NPAS3: variants seen among roughly 807,000 people sequenced by gnomAD.
NPAS3 encodes the protein neuronal PAS domain-containing protein 3.
A neutral mutation model predicts 73.1 loss-of-function variants in NPAS3; 14 were observed. That is an observed-to-expected ratio of 0.19 (90% CI 0.13 to 0.30). NPAS3 has a LOEUF of 0.30. NPAS3 is among the 10% of genes least tolerant of loss of function. The probability of loss-of-function intolerance (pLI) is 1.00; values close to 1 mark genes in which losing one functional copy is unlikely to be tolerated. For synonymous variants in NPAS3, 620 were observed against 541.5 expected, an observed-to-expected ratio of 1.14 and a Z score of -2.01; for missense variants, 1,096 against 1,250.0, an observed-to-expected ratio of 0.88 and a Z score of 1.86.
At chr14:33,171,550 C>T (rs1415682132) in intron 2 of NPAS3, among the ~76,000 whole-genome samples, 2 of 152,254 alleles carry the variant, frequency 1.3e-5, no homozygotes, top group Non-Finnish European at 2.9e-5. Context: ...AGCTTCCTCA[C>T]CTCTGTCAGC....
At chr14:33,538,978 G>C (rs2054381095) in intron 4 of NPAS3, among the ~76,000 whole-genome samples, 2 of 152,100 alleles carry the variant, frequency 1.3e-5, no homozygotes, top group Admixed American at 1.3e-4. Context: ...TTGCTTTTGA[G>C]TTGTTTACTG....
At chr14:32,991,432 C>T (rs1462872809) in intron 1 of NPAS3, among the ~76,000 whole-genome samples, 1 of 152,082 alleles carries the variant, frequency 6.6e-6, no homozygotes, top group African/African-American at 2.4e-5. Flanking sequence ...CATAGTTTGC[C>T]CAATAACACT....
At chr14:33,489,953 T>C (rs946141005) in intron 4 of NPAS3, among the ~76,000 whole-genome samples, 18 of 152,200 alleles carry the variant, frequency 1.2e-4, no homozygotes, top group African/African-American at 4.3e-4. Flanking sequence ...AAGGATATCA[T>C]AGCAAAAGGT....
chr14:33,362,418 A>G (rs1201824238), intron 3 of NPAS3, among the ~76,000 whole-genome samples: 1 of 152,092 alleles, frequency 6.6e-6, no homozygotes, highest in East Asian at 1.9e-4. Flanking sequence ...ACCCTCCCTG[A>G]CTTCTTTGGC....
chr14:33,257,697 T>C (rs149670060), intron 3 of NPAS3, among the ~76,000 whole-genome samples: 2,811 of 152,296 alleles, frequency 0.018, 45 homozygotes, highest in Middle Eastern at 0.041. Flanking sequence ...TGTGACTCTT[T>C]TCCACAATTC....
intron 4 of NPAS3, among the ~76,000 whole-genome samples, chr14:33,386,238 T>C (rs1238931121): frequency 2.0e-5 from 3 of 152,102 alleles, no homozygotes; most frequent in African/African-American, 7.2e-5. Flanking sequence ...CCCTTTTACA[T>C]GAAAAAAGGG....
chr14:33,117,930 C>A (rs1275458836), intron 2 of NPAS3, among the ~76,000 whole-genome samples: 1 of 152,020 alleles, frequency 6.6e-6, no homozygotes, highest in African/African-American at 2.4e-5. Flanking sequence ...TTAATTTATT[C>A]TCTCACTACA....
At chr14:33,537,519 T>C (rs942815223) in intron 4 of NPAS3, among the ~76,000 whole-genome samples, 4 of 152,194 alleles carry the variant, frequency 2.6e-5, no homozygotes, top group African/African-American at 9.6e-5. Context: ...GAATTGTAGT[T>C]TCTTTATATT....
At chr14:33,722,538 G>C (rs2061144226) in intron 6 of NPAS3, among the ~76,000 whole-genome samples, 1 of 152,110 alleles carries the variant, frequency 6.6e-6, no homozygotes, top group African/African-American at 2.4e-5. Flanking sequence ...AGCTGACCAA[G>C]GTTATAATGA....
rs191113270 is a variant in NPAS3 at position 33,037,093 on chromosome 14, T to C, written c.51-18812T>C. Among the ~76,000 whole-genome samples the C allele has an allele frequency of 1.7e-3, 253 of 152,300 alleles. 1 individual carries two copies. The highest frequency in any genetic ancestry group is 5.7e-3 in the African/African-American group (237 of 41,560). On this transcript the variant is annotated intron_variant, in intron 1 of 11. Transcript: ENST00000356141. ...CACTCTTGATTGAAAGCTCATACTGTCGCTTGTGTAGAGTAGGGGAAATAT... is the reference window on the plus strand; with the variant it reads ...CACTCTTGATTGAAAGCTCATACTGCCGCTTGTGTAGAGTAGGGGAAATAT...
At chr14:33,071,454 T>G (rs1008929870) in intron 2 of NPAS3, among the ~76,000 whole-genome samples, 30 of 152,212 alleles carry the variant, frequency 2.0e-4, no homozygotes, top group African/African-American at 5.8e-4. Flanking sequence ...ATTGAGACTT[T>G]TAATCATACC....
At chr14:33,729,111 A>G (rs1458595333) in intron 6 of NPAS3, among the ~76,000 whole-genome samples, 1 of 152,206 alleles carries the variant, frequency 6.6e-6, no homozygotes, top group Non-Finnish European at 1.5e-5. Flanking sequence ...CTTTCTTTCA[A>G]TATCTTTCTT....
intron 4 of NPAS3, among the ~76,000 whole-genome samples, chr14:33,372,614 A>G (rs994858176): frequency 2.0e-5 from 3 of 152,184 alleles, no homozygotes; most frequent in African/African-American, 7.2e-5. Context: ...CAGTAAACCT[A>G]TAACTATTTC....
At chr14:32,950,408 G>A (rs1200493357) in intron 1 of NPAS3, among the ~76,000 whole-genome samples, 1 of 151,990 alleles carries the variant, frequency 6.6e-6, no homozygotes, top group South Asian at 2.1e-4. Context: ...CATTATAAAG[G>A]CATATTTTTC....
chr14:33,625,537 A>G (rs1275506563), intron 5 of NPAS3, among the ~76,000 whole-genome samples: 2 of 152,214 alleles, frequency 1.3e-5, no homozygotes, highest in Non-Finnish European at 2.9e-5. Flanking sequence ...GAACAACTAT[A>G]TGCAGTAGAG....
At chr14:33,524,197 T>C (rs1244603996) in intron 4 of NPAS3, among the ~76,000 whole-genome samples, 1 of 152,172 alleles carries the variant, frequency 6.6e-6, no homozygotes, top group Non-Finnish European at 1.5e-5. Flanking sequence ...AAGTCCTCCT[T>C]ACCCTCTACA....
chr14:33,656,024 G>A (rs1470082679), intron 5 of NPAS3, among the ~76,000 whole-genome samples: 5 of 152,236 alleles, frequency 3.3e-5, no homozygotes, highest in Admixed American at 1.3e-4. Flanking sequence ...GTGCCCCACC[G>A]CATTACCAGA....
chr14:32,990,161 C>A (rs2139465318), intron 1 of NPAS3, among the ~76,000 whole-genome samples: 1 of 152,278 alleles, frequency 6.6e-6, no homozygotes, highest in South Asian at 2.1e-4. Flanking sequence ...AGACCAATGT[C>A]TTCCATGAAA....
chr14:33,364,422 C>T (rs1342170293), intron 3 of NPAS3, among the ~76,000 whole-genome samples: 4 of 152,132 alleles, frequency 2.6e-5, no homozygotes, highest in African/African-American at 9.7e-5. Flanking sequence ...TGGGCTCCTA[C>T]CAGGGACATA....
Sources: gnomAD v4.1 joint callset for allele counts (sites outside exome capture counted in the v4.1 genomes callset) on GRCh38, gnomAD v4.1.1 for gene constraint, MANE v1.5 for transcripts, NCBI Gene and HGNC (gene_info 2026-07-23, HGNC 2026-07-21) for gene names.